Variants in ACAN observed in about 807,000 individuals in gnomAD.
ACAN encodes the protein aggrecan, also known as aggrecan core protein.
A neutral mutation model predicts 169.1 loss-of-function variants in ACAN; 47 were observed. The observed-to-expected ratio is 0.28, with a 90% CI of 0.22 to 0.35. The LOEUF (loss-of-function observed/expected upper bound fraction) is 0.35. Among genes scored for constraint, ACAN ranks in the 10% least tolerant of loss-of-function variants. The pLI, the probability that ACAN is intolerant of heterozygous loss-of-function variation, is 1.00. For synonymous variants in ACAN, 1,115 were observed against 1,112.2 expected (o/e 1.00, Z -0.05); for missense variants, 2,716 against 2,759.9 (o/e 0.98, Z 0.36).
intron 8 of ACAN, 106 bp downstream of exon 8, chr15:88,847,523 G>T: frequency 7.6e-7 from 1 of 1,315,242 alleles, no homozygotes; most frequent in Non-Finnish European, 1.0e-6. Context: ...ATACCTTGTG[G>T]GTTAATGAAT....
intron 12 of ACAN, among the ~76,000 whole-genome samples, chr15:88,859,779 A>C (rs1243612402): frequency 6.6e-6 from 1 of 152,270 alleles, no homozygotes; most frequent in East Asian, 1.9e-4. Context: ...CAGGGAGAGA[A>C]GGATGACTGT....
intron 1 of ACAN, among the ~76,000 whole-genome samples, chr15:88,817,614 G>A (rs2141507123): frequency 6.6e-6 from 1 of 151,854 alleles, no homozygotes; most frequent in Non-Finnish European, 1.5e-5. Flanking sequence ...AGGACTCTGG[G>A]AAGCCAAAGC....
intron 1 of ACAN, among the ~76,000 whole-genome samples, chr15:88,828,207 G>GTGTTTTT (rs1896272798): frequency 6.6e-6 from 1 of 152,158 alleles, no homozygotes; most frequent in Non-Finnish European, 1.5e-5. Flanking sequence ...TAAAGAGAGG[G>GTGTTTTT]TGTTTTTTGA....
In ACAN at chr15:88,840,073, G is replaced by A. The variant is rs1487808929; in HGVS notation, c.516G>A (p.Gln172=). 1 of 1,603,022 alleles carries A rather than the reference G, an allele frequency of 6.2e-7. No homozygotes were observed. The highest frequency in any genetic ancestry group is 1.7e-5 in the Admixed American group (1 of 58,694). The change falls in exon 4 of 19, where the codon CAG becomes CAA. Residue 172 remains glutamine (Q), a synonymous_variant. Transcript: ENST00000560601. ...TRYTLDFDRA[Q]RACLQNSAII... ...ACACCCTCGACTTTGACAGGGCGCAGCGGGCCTGCCTGCAGAACAGTGCCA... is the reference window on the plus strand; with the variant it reads ...ACACCCTCGACTTTGACAGGGCGCAACGGGCCTGCCTGCAGAACAGTGCCA...
At chr15:88,854,738 T>G in intron 11 of ACAN, 114 bp from the exon 12 acceptor site, 1 of 1,221,232 alleles carries the variant, frequency 8.2e-7, no homozygotes, top group Non-Finnish European at 1.1e-6. Flanking sequence ...GTTGCTGAGC[T>G]CTTGAGAGAA....
At chr15:88,805,392 A>G (rs1053739283) in intron 1 of ACAN, among the ~76,000 whole-genome samples, 1 of 152,200 alleles carries the variant, frequency 6.6e-6, no homozygotes, top group African/African-American at 2.4e-5. Context: ...AGATTGCAGA[A>G]TAGTAGATCT....
rs1023774324 is a variant in ACAN, at chr15:88,840,102, T to C, written c.545T>C (p.Ile182Thr). ...GCCTGCCTGCAGAACAGTGCCATCA[T>C]TGCCACGCCTGAGCAGCTGCAGGCC... is the stretch of plus-strand genomic sequence containing the variant. ...QRACLQNSAIIATPEQLQAAY... is the reference protein window; with the variant it reads ...QRACLQNSAITATPEQLQAAY... Residue 182 changes from isoleucine (I) to threonine (T), a missense_variant, in exon 4 of 19, where the codon ATT becomes ACT. Physicochemically the swap from Ile to Thr is moderately conservative, Grantham distance 89. Coordinates refer to ENST00000560601, the MANE Select transcript of ACAN (RefSeq NM_001369268.1). The C allele has an allele frequency of 1.2e-6, 2 of 1,605,388 alleles. No homozygotes were observed. Among genetic ancestry groups the C allele is most frequent in the Non-Finnish European group, 1.7e-6 (2 of 1,176,100 alleles).
chr15:88,833,117 C>T (rs1372694336), intron 1 of ACAN, among the ~76,000 whole-genome samples: 3 of 152,154 alleles, frequency 2.0e-5, no homozygotes, highest in Non-Finnish European at 4.4e-5. Context: ...TGATGGAATC[C>T]AGGCCAAGAC....
chr15:88,871,667 C>G lies in ACAN; in HGVS notation c.7219+127C>G. ...GGACAGGGACCTGGGGGAGGGGGAA[C>G]AGTGTTCCCACAGTCTGAGCTCCCA... On this transcript the variant is annotated intron_variant, in intron 15 of 18. Coordinates refer to ENST00000560601, the MANE Select transcript of ACAN (RefSeq NM_001369268.1). The surrounding 1 kb of genome is among the most constrained non-coding windows in gnomAD (Gnocchi z 7.8). The G allele has an allele frequency of 7.7e-7, 1 of 1,291,298 alleles. No individual in the cohort carries two copies. The highest frequency in any genetic ancestry group is 1.0e-6 in the Non-Finnish European group (1 of 953,746). 80.0% of individuals were successfully genotyped at this position (1,291,298 alleles called of 1,614,324 possible). A position where few individuals can be genotyped will look rare whatever the true frequency, so the allele number is the denominator to read the frequency against.
At position 88,839,017 on chromosome 15, in the gene ACAN, G is replaced by A; in HGVS notation, c.425G>A (p.Ser142Asn). Residue 142 changes from serine (S) to asparagine (N), a missense_variant, in exon 3 of 19, where the codon AGC becomes AAC. This residue lies in a region of ACAN where 1,283 missense variants were observed against 1,281.5 expected (regional missense o/e 1.00). Coordinates refer to ENST00000560601, the MANE Select transcript of ACAN (RefSeq NM_001369268.1). The surrounding 1 kb of genome is among the most constrained non-coding windows in gnomAD (Gnocchi z 4.5). ...RCEVMHGIED[S>N]EATLEVVVKG... The stretch of plus-strand genomic sequence containing the variant: ...GAGGTGATGCATGGCATCGAGGACA[G>A]CGAGGCCACCCTGGAAGTCGTGGTG... 6.2e-7 allele frequency: 1 copy of A among 1,607,124 alleles called. No homozygotes were observed. The highest frequency in any genetic ancestry group is 8.5e-7 in the Non-Finnish European group (1 of 1,179,818).
At chr15:88,825,893 T>C (rs1896205312) in intron 1 of ACAN, among the ~76,000 whole-genome samples, 1 of 152,200 alleles carries the variant, frequency 6.6e-6, no homozygotes, top group Admixed American at 6.5e-5. Flanking sequence ...GTTTTTATTG[T>C]TTGACTAGCA....
Position 88,861,865 on chromosome 15 carries a change from A to G in ACAN, c.6946+1426A>G, listed in dbSNP as rs11073817. On this transcript the variant is annotated intron_variant, in intron 13 of 18. Coordinates refer to ENST00000560601, the MANE Select transcript of ACAN (RefSeq NM_001369268.1). This position sits in a 1 kb window ranked among gnomAD's most constrained non-coding sequence, Gnocchi z 6.3. ...ATAGGAGTAAGTGTCAGTGGGCCGT[A>G]ACTATTCTGCTGTAAGGACAGCCTC... Among the ~76,000 whole-genome samples, 3,971 of 152,314 alleles carry G rather than the reference A, an allele frequency of 0.026. 77 individuals carry two copies. Among genetic ancestry groups the G allele is most frequent in the Non-Finnish European group, 0.041 (2,804 of 68,024 alleles).
In ACAN at chr15:88,855,293, G is replaced by T. The variant is rs779024114; in HGVS notation, c.2708G>T (p.Gly903Val). The T allele has an allele frequency of 6.2e-7, 1 of 1,611,442 alleles. No individual in the cohort carries two copies. Among genetic ancestry groups the T allele is most frequent in the South Asian group, 1.1e-5 (1 of 91,066 alleles). Residue 903 changes from glycine to valine, a missense_variant, in exon 12 of 19, where the codon GGT (glycine) becomes GTT (valine). By Grantham distance (109) the Gly-to-Val change is moderately radical. Around this residue, in one of 3 missense-constraint regions of ACAN, gnomAD observed 1,283 missense variants for 1,281.5 expected, o/e 1.00. Coordinates refer to ENST00000560601, the MANE Select transcript of ACAN (RefSeq NM_001369268.1). Reference protein sequence around the residue: ...GLPSGDLDSSGLTSTVGSGLP... With the variant: ...GLPSGDLDSSVLTSTVGSGLP... ...CCCTCTGGAGACCTGGACTCCAGTG[G>T]TCTTACTTCCACAGTGGGCTCAGGC...
At chr15:88,805,282 C>A (rs919497106) in intron 1 of ACAN, among the ~76,000 whole-genome samples, 4 of 152,076 alleles carry the variant, frequency 2.6e-5, no homozygotes, top group African/African-American at 9.7e-5. Flanking sequence ...CAGGGAGAAA[C>A]TGCAGGAAAT....
chr15:88,804,109 TAAATCCTAGGGTCTGGA>T (rs1159747305), intron 1 of ACAN, among the ~76,000 whole-genome samples: 3 of 152,186 alleles, frequency 2.0e-5, no homozygotes, highest in African/African-American at 7.2e-5. Flanking sequence ...TAGGTGATTT[TAAATCCTAGGGTCTGGA>T]AAGACCCATG....
In ACAN at chr15:88,845,414, G is replaced by A. The variant is rs1596136513; in HGVS notation, c.1052-91G>A. Reference sequence around the variant, plus strand: ...CCCTCCTGCCCCAGCAGGGAAGGAGGGGGAGCCATGCTCATCTCCAGCCCA... The same window carrying A: ...CCCTCCTGCCCCAGCAGGGAAGGAGAGGGAGCCATGCTCATCTCCAGCCCA... On this transcript the variant is annotated intron_variant, in intron 6 of 18. Coordinates refer to ENST00000560601, the MANE Select transcript of ACAN (RefSeq NM_001369268.1). 3 of 1,498,234 alleles carry A rather than the reference G, an allele frequency of 2.0e-6. No homozygotes were observed. In the African/African-American group the frequency reaches 4.2e-5, roughly 21 times the overall value. The allele number at this position is 1,498,234 out of a possible 1,614,324, so 92.8% of individuals were successfully genotyped here.
chr15:88,874,952 C>T lies in ACAN; in HGVS notation c.*471C>T, dbSNP rs564879903. 2 of 296,086 alleles carry T rather than the reference C, an allele frequency of 6.8e-6. No homozygotes were observed. Among genetic ancestry groups the T allele is most frequent in the Non-Finnish European group, 1.3e-5 (2 of 153,536 alleles). The allele number at this position is 296,086 out of a possible 1,614,324, so 18.3% of individuals were successfully genotyped here. ...CAGAGGCCTGAGAGCAGGAAGAACT[C>T]GGAACCGCAGCTGAATGTATTGGAT... On this transcript the variant is annotated 3_prime_UTR_variant, in exon 19 of 19. Transcript: ENST00000560601. The surrounding 1 kb of genome is among the most constrained non-coding windows in gnomAD (Gnocchi z 7.3).
intron 5 of ACAN, 50 bp downstream of exon 5, chr15:88,841,917 C>A: frequency 6.2e-7 from 1 of 1,609,332 alleles, no homozygotes; most frequent in Non-Finnish European, 8.5e-7. Flanking sequence ...CCCAAGGCCA[C>A]CTTCCCCTCC....
intron 11 of ACAN, 123 bp from the exon 12 acceptor site, chr15:88,854,729 T>C (rs1897008049): frequency 9.1e-7 from 1 of 1,104,320 alleles, no homozygotes; most frequent in South Asian, 3.4e-5. Flanking sequence ...TTTGGACACG[T>C]TGCTGAGCTC....
Sources: gnomAD v4.1 joint callset for allele counts (sites outside exome capture counted in the v4.1 genomes callset) on GRCh38, gnomAD v4.1.1 for gene constraint, gnomAD v4.1.1 regional missense constraint, Gnocchi (gnomAD v3.1) non-coding constraint, MANE v1.5 for transcripts, NCBI Gene and HGNC (gene_info 2026-07-23, HGNC 2026-07-21) for gene names.